The following SEPTIN14 variants were observed in gnomAD, a reference collection of about 807,000 sequenced individuals.
SEPTIN14 encodes septin-14.
SEPTIN14 carries 40 observed loss-of-function variants against 53.6 expected under a neutral mutation model. The observed-to-expected ratio is 0.75, with a 90% CI of 0.58 to 0.97. The LOEUF is 0.97. SEPTIN14 is among the 50% of genes least tolerant of loss of function. The pLI is 0.00. For missense variants in SEPTIN14, 471 were observed against 508.2 expected, an observed-to-expected ratio of 0.93 and a Z score of 0.70; for synonymous variants, 138 against 166.8, an observed-to-expected ratio of 0.83 and a Z score of 1.33.
chr7:55,838,147 A>C (rs1160138027), intron 5 of SEPTIN14, among the ~76,000 whole-genome samples: 2 of 152,172 alleles, frequency 1.3e-5, no homozygotes, highest in African/African-American at 4.8e-5. Flanking sequence ...TCTCATATCG[A>C]TTTTGAGATT....
chr7:55,803,292 A>G (rs1453804885), intron 9 of SEPTIN14, among the ~76,000 whole-genome samples: 1 of 152,186 alleles, frequency 6.6e-6, no homozygotes, highest in South Asian at 2.1e-4. Flanking sequence ...ATATGAAAAA[A>G]ATATTCAACC....
At chr7:55,802,165 C>T (rs753298712) in intron 9 of SEPTIN14, among the ~76,000 whole-genome samples, 5 of 151,902 alleles carry the variant, frequency 3.3e-5, no homozygotes, top group East Asian at 1.9e-4. Flanking sequence ...CCACCACGCC[C>T]GGCTAATTTT....
chr7:55,832,363 A>C (rs931469701), intron 6 of SEPTIN14, among the ~76,000 whole-genome samples: 1 of 152,212 alleles, frequency 6.6e-6, no homozygotes, highest in African/African-American at 2.4e-5. Context: ...TTCTCGAAGC[A>C]CTAAAAATAG....
chr7:55,831,840 A>G (rs558658604), intron 6 of SEPTIN14, among the ~76,000 whole-genome samples: 1 of 152,350 alleles, frequency 6.6e-6, no homozygotes, highest in Admixed American at 6.5e-5. Context: ...AAAAGAAGAC[A>G]TACAAGTGGC....
chr7:55,804,134 TAAAAAA>T (rs35467838), intron 9 of SEPTIN14, among the ~76,000 whole-genome samples: 2 of 47,062 alleles, frequency 4.2e-5, no homozygotes, highest in East Asian at 8.3e-4. Flanking sequence ...AGACTCTGTC[TAAAAAA>T]AAAAAAAAAA....
At chr7:55,830,509 A>G (rs900805084) in intron 6 of SEPTIN14, among the ~76,000 whole-genome samples, 5 of 150,648 alleles carry the variant, frequency 3.3e-5, no homozygotes, top group Admixed American at 6.6e-5. Context: ...ACACCTGGCT[A>G]ATTTTTTGTA....
chr7:55,831,964 G>A (rs1789114550), intron 6 of SEPTIN14, among the ~76,000 whole-genome samples: 1 of 152,166 alleles, frequency 6.6e-6, no homozygotes, highest in South Asian at 2.1e-4. Flanking sequence ...CACTTTGGGA[G>A]GCCAAGGCGG....
intron 6 of SEPTIN14, among the ~76,000 whole-genome samples, chr7:55,823,339 C>T (rs1469853855): frequency 3.9e-5 from 6 of 152,188 alleles, no homozygotes; most frequent in Non-Finnish European, 8.8e-5. Context: ...CATAAAAGCC[C>T]TGGGCTTAGC....
intron 7 of SEPTIN14, among the ~76,000 whole-genome samples, chr7:55,815,223 T>A (rs1562708802): frequency 6.6e-6 from 1 of 152,100 alleles, no homozygotes; most frequent in East Asian, 1.9e-4. Context: ...CTTTAGGACA[T>A]TTAGTGAGTA....
chr7:55,814,969 C>T (rs767833179), intron 7 of SEPTIN14, among the ~76,000 whole-genome samples: 8 of 151,980 alleles, frequency 5.3e-5, no homozygotes, highest in African/African-American at 1.7e-4. Context: ...AACAGAATAG[C>T]GAACCCAGAA....
At chr7:55,842,782 A>G (rs945622794) in intron 5 of SEPTIN14, among the ~76,000 whole-genome samples, 160 bp downstream of exon 5, 4 of 151,928 alleles carry the variant, frequency 2.6e-5, no homozygotes, top group African/African-American at 9.7e-5. Flanking sequence ...GCGTGGTGGC[A>G]GGTGCCTGTA....
At chr7:55,833,070 T>C (rs576589827) in intron 6 of SEPTIN14, among the ~76,000 whole-genome samples, 203 of 151,198 alleles carry the variant, frequency 1.3e-3, no homozygotes, top group Non-Finnish European at 2.4e-3. Context: ...ATCCCAGCAC[T>C]TTGTGAGGCC....
chr7:55,849,824 G>A (rs755616089), intron 2 of SEPTIN14, among the ~76,000 whole-genome samples: 16 of 152,048 alleles, frequency 1.1e-4, no homozygotes, highest in Non-Finnish European at 1.8e-4. Flanking sequence ...TATTACTACA[G>A]ACCACACAGA....
chr7:55,834,694 G>A (rs1789172934), intron 5 of SEPTIN14, 108 bp from the exon 6 acceptor site: 15 of 805,170 alleles, frequency 1.9e-5, no homozygotes, highest in Non-Finnish European at 2.5e-5. Flanking sequence ...CCAGGCTGGA[G>A]TGCAGGGGCA....
At chr7:55,834,846 C>A (rs576532252) in intron 5 of SEPTIN14, among the ~76,000 whole-genome samples, 1 of 152,088 alleles carries the variant, frequency 6.6e-6, no homozygotes, top group South Asian at 2.1e-4. Context: ...GGGGTTTCAC[C>A]GTGTTAGCCA....
chr7:55,839,437 C>T (rs1251725862), intron 5 of SEPTIN14, among the ~76,000 whole-genome samples: 1 of 150,454 alleles, frequency 6.6e-6, no homozygotes, highest in African/African-American at 2.4e-5. Flanking sequence ...AGGTAACTTT[C>T]ACATAACTTT....
At chr7:55,813,389 C>T (rs925292681) in intron 7 of SEPTIN14, among the ~76,000 whole-genome samples, 2 of 152,152 alleles carry the variant, frequency 1.3e-5, no homozygotes, top group African/African-American at 4.8e-5. Flanking sequence ...GGCAATCAGG[C>T]CCCAAGGTCT....
At chr7:55,804,284 C>T (rs1308026416) in intron 9 of SEPTIN14, among the ~76,000 whole-genome samples, 1 of 141,560 alleles carries the variant, frequency 7.1e-6, no homozygotes, top group Non-Finnish European at 1.5e-5. Flanking sequence ...TTTTTTGAGA[C>T]GGAGTCTCAC....
At chr7:55,831,510 G>C (rs1400024539) in intron 6 of SEPTIN14, among the ~76,000 whole-genome samples, 1 of 151,992 alleles carries the variant, frequency 6.6e-6, no homozygotes. Context: ...AAGACCAGAA[G>C]CTATAAAAAT....
Sources: gnomAD v4.1 joint callset for allele counts (sites outside exome capture counted in the v4.1 genomes callset) on GRCh38, gnomAD v4.1.1 for gene constraint, MANE v1.5 for transcripts, NCBI Gene and HGNC (gene_info 2026-07-23, HGNC 2026-07-21) for gene names.